The following GPHN variants were observed in gnomAD, a reference collection of about 807,000 sequenced individuals.
GPHN encodes the protein gephyrin.
In GPHN, 17 loss-of-function variants were observed where a neutral mutation model predicts 95.5. That is an observed-to-expected ratio of 0.18 (90% CI 0.12 to 0.27). The LOEUF (loss-of-function observed/expected upper bound fraction) is 0.27, where lower values mean the gene tolerates loss of function less well. Ranked by LOEUF, GPHN falls within the 10% of genes least tolerant of loss-of-function variation. GPHN has a pLI of 1.00. For missense variants in GPHN, 660 were observed against 978.1 expected, an observed-to-expected ratio of 0.67 and a Z score of 4.34; for synonymous variants, 320 against 322.5, an observed-to-expected ratio of 0.99 and a Z score of 0.08.
At chr14:67,195,282 C>A in the GPHN span, among the ~76,000 whole-genome samples, 1 of 152,136 alleles carries the variant, frequency 6.6e-6, no homozygotes, top group South Asian at 2.1e-4. Flanking sequence ...TGCAAATATC[C>A]TTGAATTCCT....
chr14:67,206,799 C>T, the GPHN span, among the ~76,000 whole-genome samples: 2 of 150,240 alleles, frequency 1.3e-5, no homozygotes, highest in Non-Finnish European at 3.0e-5. Context: ...GGTGAGATCT[C>T]GGCTCACTGC....
chr14:67,246,852 G>A, the GPHN span, among the ~76,000 whole-genome samples: 3 of 151,874 alleles, frequency 2.0e-5, no homozygotes, highest in Non-Finnish European at 2.9e-5. Context: ...GGGTTTCACC[G>A]TGTTGGCCAG....
chr14:66,902,704 G>A (rs1019772907), intron 5 of GPHN, among the ~76,000 whole-genome samples: 6 of 152,054 alleles, frequency 3.9e-5, no homozygotes, highest in Admixed American at 6.6e-5. Context: ...TCCTTGGGAT[G>A]AATCCCACCT....
At chr14:67,659,855 A>T in the GPHN span, 1 of 1,614,158 alleles carries the variant, frequency 6.2e-7, no homozygotes, top group Non-Finnish European at 8.5e-7. Context: ...GTAGTTTCGA[A>T]GCTTAGACAT....
chr14:66,990,989 A>C (rs971722889), intron 9 of GPHN, among the ~76,000 whole-genome samples: 2 of 152,048 alleles, frequency 1.3e-5, no homozygotes, highest in Non-Finnish European at 2.9e-5. Context: ...TATTTTGTAG[A>C]AAGGGAAGAG....
intron 9 of GPHN, among the ~76,000 whole-genome samples, chr14:66,983,157 C>A (rs1429150470): frequency 6.6e-6 from 1 of 152,080 alleles, no homozygotes; most frequent in Non-Finnish European, 1.5e-5. Context: ...GAGGCTGAGG[C>A]CGGAGAATTG....
intron 3 of GPHN, among the ~76,000 whole-genome samples, chr14:66,813,824 G>A (rs537015749): frequency 1.2e-4 from 18 of 152,290 alleles, no homozygotes; most frequent in Admixed American, 6.5e-5. Flanking sequence ...CTGCTGGCCT[G>A]TCCTGGGGCC....
rs534870120 is a variant in GPHN, at chr14:67,032,545, C to T, written c.1006+8870C>T. On this transcript the variant is annotated intron_variant, in intron 10 of 22. Transcript: ENST00000478722. ...AGAGCTGGTGTACTTTGGATGTCTGCGGGCCACTGAGAATAAGGAACAGTG... is the reference window on the plus strand; with the variant it reads ...AGAGCTGGTGTACTTTGGATGTCTGTGGGCCACTGAGAATAAGGAACAGTG... Among the ~76,000 whole-genome samples, 4 of 152,206 alleles carry T rather than the reference C, an allele frequency of 2.6e-5. No homozygotes were observed. In the South Asian group the frequency reaches 6.2e-4, roughly 24 times the overall value.
intron 5 of GPHN, among the ~76,000 whole-genome samples, chr14:66,915,042 G>A (rs1286225991): frequency 6.6e-6 from 1 of 152,054 alleles, no homozygotes; most frequent in Non-Finnish European, 1.5e-5. Context: ...AGGTGATTCA[G>A]TAAACATTTT....
chr14:67,607,058 C>T, the GPHN span, among the ~76,000 whole-genome samples: 3 of 152,192 alleles, frequency 2.0e-5, no homozygotes, highest in African/African-American at 7.2e-5. Context: ...ACCAAACCTA[C>T]AGACTCAGAA....
chr14:67,406,413 T>C, the GPHN span, among the ~76,000 whole-genome samples: 1 of 152,098 alleles, frequency 6.6e-6, no homozygotes. Context: ...TCAGTCTTCC[T>C]GGTTGTGTGG....
chr14:67,260,156 G>T, the GPHN span, among the ~76,000 whole-genome samples: 23 of 152,106 alleles, frequency 1.5e-4, no homozygotes, highest in Non-Finnish European at 2.2e-4. Flanking sequence ...AGGTTTAAGC[G>T]CCAGCTCTCC....
At chr14:66,617,448 A>G (rs1177681870) in intron 1 of GPHN, among the ~76,000 whole-genome samples, 3 of 152,154 alleles carry the variant, frequency 2.0e-5, no homozygotes, top group Non-Finnish European at 4.4e-5. Flanking sequence ...TCCCTTGGCT[A>G]TGGGGAGGGT....
At chr14:67,572,259 C>T in the GPHN span, 933 of 1,602,694 alleles carry the variant, frequency 5.8e-4, 1 homozygote, top group South Asian at 1.6e-3. Flanking sequence ...ACTCCACCGA[C>T]GGGCTGGGCC....
downstream of GPHN, among the ~76,000 whole-genome samples, chr14:67,183,340 ACAC>A (rs1280608275): frequency 2.0e-5 from 3 of 152,262 alleles, no homozygotes; most frequent in Non-Finnish European, 2.9e-5. Context: ...GCTCAATAAA[ACAC>A]ATTATGTAGA....
chr14:66,766,061 T>C (rs919292136), intron 2 of GPHN, among the ~76,000 whole-genome samples: 1 of 152,156 alleles, frequency 6.6e-6, no homozygotes, highest in East Asian at 1.9e-4. Flanking sequence ...GAGAACAGAA[T>C]AGAAGCACTG....
the GPHN span, among the ~76,000 whole-genome samples, chr14:67,724,191 A>G: frequency 1.2e-4 from 19 of 152,220 alleles, no homozygotes; most frequent in Admixed American, 1.2e-3. Context: ...TCTAACAAGG[A>G]AAGTCTCCAT....
the GPHN span, chr14:67,569,751 G>T: frequency 4.2e-5 from 26 of 615,376 alleles, no homozygotes; most frequent in East Asian, 6.0e-4. Context: ...GGAGATCATG[G>T]TCCCCAAAGG....
At chr14:67,219,789 T>C in the GPHN span, among the ~76,000 whole-genome samples, 1 of 152,158 alleles carries the variant, frequency 6.6e-6, no homozygotes, top group African/African-American at 2.4e-5. Context: ...CCCTACGCCA[T>C]TTATCAGCTG....
Sources: allele counts gnomAD v4.1 joint callset (sites outside exome capture counted in the v4.1 genomes callset), GRCh38; gene constraint gnomAD v4.1.1; transcripts MANE v1.5; gene names NCBI Gene and HGNC (gene_info 2026-07-23, HGNC 2026-07-21).